Variants in DDX55 observed in about 807,000 individuals in gnomAD.
DDX55 encodes DEAD-box helicase 55, also known as ATP-dependent RNA helicase DDX55.
DDX55 carries 56 observed loss-of-function variants against 69.2 expected under a neutral mutation model. The ratio of observed to expected loss-of-function variants is 0.81; its 90% CI spans 0.65 to 1.01. The LOEUF (loss-of-function observed/expected upper bound fraction) is 1.01, where lower values mean the gene tolerates loss of function less well. DDX55 is among the 50% of genes least tolerant of loss of function. The probability of loss-of-function intolerance (pLI) is 0.00; values close to 1 mark genes in which losing one functional copy is unlikely to be tolerated. For missense variants in DDX55, 720 were observed against 745.1 expected (o/e 0.97, Z 0.39); for synonymous variants, 268 against 273.1 (o/e 0.98, Z 0.18).
intron 7 of DDX55, among the ~76,000 whole-genome samples, chr12:123,611,920 C>T (rs1176080264): frequency 6.6e-6 from 1 of 152,186 alleles, no homozygotes; most frequent in African/African-American, 2.4e-5. Flanking sequence ...AACCGATGAA[C>T]TTAGAGGTCC....
chr12:123,615,854 C>T (rs760568799), intron 9 of DDX55, among the ~76,000 whole-genome samples: 8 of 152,150 alleles, frequency 5.3e-5, no homozygotes, highest in African/African-American at 1.2e-4. Context: ...TGGTGGCTGG[C>T]GCCTGTAGTC....
rs780428667 is a variant in DDX55 at position 123,618,667 on chromosome 12, A to G, written c.1165-2A>G. On this transcript the variant is annotated splice_acceptor_variant, in intron 11 of 13. Coordinates refer to ENST00000238146, the MANE Select transcript of DDX55 (RefSeq NM_020936.3). LOFTEE classifies it high-confidence loss of function. ...GAGAATGTGGTATGTGTGTGTGTGT[A>G]GTGCCCCCTGCAGGAGATGAAGCCC... The G allele has an allele frequency of 1.2e-6, 2 of 1,612,782 alleles. No homozygotes were observed. The highest frequency in any genetic ancestry group is 2.2e-5 in the South Asian group (2 of 90,772).
intron 8 of DDX55, 51 bp from the exon 9 acceptor site, chr12:123,615,134 G>T: frequency 6.2e-7 from 1 of 1,609,162 alleles, no homozygotes; most frequent in Non-Finnish European, 8.5e-7. Context: ...TCTCCCGGTT[G>T]TAGAAGGACC....
At position 123,619,685 on chromosome 12, in the gene DDX55, AAAG is replaced by A. The variant is rs772209582; in HGVS notation, c.1593_1595del (p.Lys533del). 5.6e-5 allele frequency: 89 copies of A among 1,579,114 alleles called. No homozygotes were observed. The African/African-American group carries it at 1.1e-3, about 19-fold the overall frequency. The stretch of plus-strand genomic sequence containing the variant: ...GGTCAAAGCAGAAGGCCAAAAAAGA[AAAG>A]AAGAAAAAAATGAATGAGAAAAGGA... On this transcript the variant is annotated inframe_deletion, in exon 13 of 14. Transcript: ENST00000238146.
In DDX55 at chr12:123,615,282, A is replaced by G; in HGVS notation, c.922A>G (p.Asn308Asp). ...TCACGGAAAGATGAAATATAAACGC[A>G]ATAAGATCTTCATGGAGTTCCGCAA... ...CIHGKMKYKR[N>D]KIFMEFRKLQ... Residue 308 changes from asparagine (N) to aspartate (D), a missense_variant, in exon 9 of 14, where the codon AAT becomes GAT. Coordinates refer to ENST00000238146, the MANE Select transcript of DDX55 (RefSeq NM_020936.3). 1 of 1,614,114 alleles carries G rather than the reference A, an allele frequency of 6.2e-7. No individual in the cohort carries two copies. Among genetic ancestry groups the G allele is most frequent in the African/African-American group, 1.3e-5 (1 of 75,044 alleles).
chr12:123,615,042 C>A, intron 8 of DDX55, 143 bp from the exon 9 acceptor site: 1 of 1,096,284 alleles, frequency 9.1e-7, no homozygotes, highest in Non-Finnish European at 1.3e-6. Context: ...TGGATGATTT[C>A]CACTGCCATT....
chr12:123,619,348 G>A lies in DDX55; in HGVS notation c.1334-84G>A, dbSNP rs1954972214. On this transcript the variant is annotated intron_variant, in intron 12 of 13. Coordinates refer to ENST00000238146, the MANE Select transcript of DDX55 (RefSeq NM_020936.3). ...TAAAATGAATGCATTAAACCCTTTG[G>A]TTAGAAAAAAATTATATTGTAAGCC... The A allele has an allele frequency of 2.0e-6, 3 of 1,512,124 alleles. No homozygotes were observed. The African/African-American group carries it at 4.2e-5, about 21-fold the overall frequency. 93.7% of individuals were successfully genotyped at this position (1,512,124 alleles called of 1,614,324 possible).
intron 1 of DDX55, among the ~76,000 whole-genome samples, chr12:123,603,316 G>T (rs1290844691): frequency 1.3e-5 from 2 of 152,064 alleles, no homozygotes; most frequent in Non-Finnish European, 2.9e-5. Flanking sequence ...GTCACATTTG[G>T]GATAGCTTTA....
In DDX55 at chr12:123,605,927, T is replaced by C; in HGVS notation, c.109-4T>C. On this transcript the variant is annotated splice_polypyrimidine_tract_variant and splice_region_variant and intron_variant, in intron 1 of 13. Transcript: ENST00000238146. ...AACCAGTGCTTTGCAATCTCTCTCT[T>C]TAGTCCGCAACCATCCCTCTGTTCA... The C allele has an allele frequency of 6.2e-7, 1 of 1,614,172 alleles. No individual in the cohort carries two copies. Among genetic ancestry groups the C allele is most frequent in the South Asian group, 1.1e-5 (1 of 91,078 alleles).
At chr12:123,602,551 C>A (rs866003496) in intron 1 of DDX55, among the ~76,000 whole-genome samples, 2 of 152,188 alleles carry the variant, frequency 1.3e-5, no homozygotes, top group Non-Finnish European at 2.9e-5. Flanking sequence ...TTAACCTCTC[C>A]GTGCTTCATT....
chr12:123,608,757 G>A lies in DDX55; in HGVS notation c.479G>A (p.Ser160Asn). 1 of 1,614,194 alleles carries A rather than the reference G, an allele frequency of 6.2e-7. No homozygotes were observed. The highest frequency in any genetic ancestry group is 1.1e-5 in the South Asian group (1 of 91,084). ...AAGGCCGAAGGCTTGGATCTGGCCA[G>A]CTGTGTGCGATCCCTGGATGTCCTG... ...RRKAEGLDLA[S>N]CVRSLDVLVL... Residue 160 changes from serine (S) to asparagine (N), a missense_variant, in exon 6 of 14, where the codon AGC becomes AAC. Coordinates refer to ENST00000238146, the MANE Select transcript of DDX55 (RefSeq NM_020936.3).
intron 3 of DDX55, among the ~76,000 whole-genome samples, chr12:123,606,501 C>T (rs190328801): frequency 5.3e-5 from 8 of 152,130 alleles, no homozygotes; most frequent in African/African-American, 1.9e-4. Context: ...TGGTCATGGG[C>T]GTGGGCAGAG....
intron 8 of DDX55, among the ~76,000 whole-genome samples, chr12:123,614,271 C>T (rs988935387): frequency 3.3e-5 from 5 of 152,322 alleles, no homozygotes; most frequent in Admixed American, 3.3e-4. Flanking sequence ...GTGTGTGAAA[C>T]ACCACTTCAT....
At chr12:123,606,275 TC>T in intron 3 of DDX55, 116 bp downstream of exon 3, 1 of 1,261,572 alleles carries the variant, frequency 7.9e-7, no homozygotes, top group Non-Finnish European at 1.1e-6. Context: ...ACGCCTGTAA[TC>T]CCAGCACTTT....
At chr12:123,605,584 A>C (rs1180330260) in intron 1 of DDX55, 10 of 382,302 alleles carry the variant, frequency 2.6e-5, no homozygotes, top group Non-Finnish European at 4.5e-5. Context: ...TACAGTGCTT[A>C]AAATGAGAGG....
chr12:123,616,601 A>C lies in DDX55; in HGVS notation c.1047A>C (p.Ala349=). The C allele has an allele frequency of 1.2e-6, 2 of 1,614,036 alleles. No homozygotes were observed. The highest frequency in any genetic ancestry group is 1.7e-6 in the Non-Finnish European group (2 of 1,179,922). ...TGCAGTATGACCCTCCCAGCAATGC[A>C]AGGTATGGTACGAGGCTGCCACCCA... ...WVLQYDPPSN[A]SAFVHRCGRT... is the part of the protein sequence containing the mutation. Residue 349 remains alanine, a splice_region_variant and synonymous_variant, in exon 10 of 14, where the codon GCA becomes GCC. Transcript: ENST00000238146.
chr12:123,612,837 AAG>A (rs1954360800), intron 7 of DDX55, among the ~76,000 whole-genome samples: 1 of 139,208 alleles, frequency 7.2e-6, no homozygotes, highest in African/African-American at 3.0e-5. Flanking sequence ...AAAAAAAAAG[AAG>A]AAAAAAAAAG....
At chr12:123,619,332 T>C (rs2135752620) in intron 12 of DDX55, 100 bp from the exon 13 acceptor site, 1 of 1,480,564 alleles carries the variant, frequency 6.8e-7, no homozygotes, top group South Asian at 1.5e-5. Flanking sequence ...CTAAAATGAA[T>C]GCATTAAACC....
intron 10 of DDX55, 43 bp from the exon 11 acceptor site, chr12:123,617,715 C>G (rs1431099225): frequency 1.3e-6 from 2 of 1,544,862 alleles, no homozygotes; most frequent in Non-Finnish European, 8.8e-7. Context: ...CTCTGTTCAG[C>G]TGTCATCACC....
Sources: gnomAD v4.1 joint callset for allele counts (sites outside exome capture counted in the v4.1 genomes callset) on GRCh38, gnomAD v4.1.1 for gene constraint, MANE v1.5 for transcripts, NCBI Gene and HGNC (gene_info 2026-07-23, HGNC 2026-07-21) for gene names.